Variants in DNAH14 observed in about 807,000 individuals in gnomAD.
DNAH14 encodes the protein axonemal beta dynein heavy chain 14.
DNAH14 carries 478 observed loss-of-function variants against 520.9 expected under a neutral mutation model. That is an observed-to-expected ratio of 0.92 (90% confidence interval 0.85 to 0.99). The LOEUF is 0.99. Among genes scored for constraint, DNAH14 ranks in the 50% least tolerant of loss-of-function variants. The pLI, the probability that DNAH14 is intolerant of heterozygous loss-of-function variation, is 0.00. For synonymous variants in DNAH14, 1,581 were observed against 1,757.2 expected, an observed-to-expected ratio of 0.90 and a Z score of 2.51; for missense variants, 4,831 against 5,234.5, an observed-to-expected ratio of 0.92 and a Z score of 2.38.
chr1:225,263,221 T>C (rs187379514), intron 46 of DNAH14, among the ~76,000 whole-genome samples: 12 of 146,756 alleles, frequency 8.2e-5, no homozygotes, highest in African/African-American at 3.2e-4. Context: ...TATATATACA[T>C]GTATATATAC....
At chr1:225,123,914 G>C (rs974730521) in intron 27 of DNAH14, among the ~76,000 whole-genome samples, 4 of 151,922 alleles carry the variant, frequency 2.6e-5, no homozygotes, top group African/African-American at 9.7e-5. Context: ...CACCATGCCT[G>C]GCTAATTTTT....
chr1:225,370,106 G>A (rs576202406), intron 77 of DNAH14, among the ~76,000 whole-genome samples: 235 of 152,126 alleles, frequency 1.5e-3, no homozygotes, highest in Middle Eastern at 3.4e-3. Flanking sequence ...CCTGACCAAC[G>A]AGGAGTAACC....
chr1:225,104,649 C>G (rs916856569), intron 23 of DNAH14, among the ~76,000 whole-genome samples: 1 of 152,124 alleles, frequency 6.6e-6, no homozygotes, highest in Non-Finnish European at 1.5e-5. Context: ...TCCATTTCTT[C>G]TAGATTTTCT....
chr1:225,142,786 C>T (rs547108352), intron 28 of DNAH14, among the ~76,000 whole-genome samples: 2 of 152,040 alleles, frequency 1.3e-5, no homozygotes, highest in South Asian at 2.1e-4. Flanking sequence ...ATTAGCTGGC[C>T]GTGATGGTGC....
At chr1:225,384,257 T>A (rs1000762873) in intron 81 of DNAH14, among the ~76,000 whole-genome samples, 2 of 152,188 alleles carry the variant, frequency 1.3e-5, no homozygotes, top group Admixed American at 6.5e-5. Flanking sequence ...TTAGGTCCGC[T>A]TGGTGCAGAG....
At chr1:225,250,586 A>G in intron 43 of DNAH14, 1 of 441,074 alleles carries the variant, frequency 2.3e-6, no homozygotes, top group Non-Finnish European at 4.2e-6. Flanking sequence ...GGGAACTGGA[A>G]ACGGTTTTAC....
chr1:225,278,217 C>G (rs1168427161), intron 54 of DNAH14, among the ~76,000 whole-genome samples: 1 of 151,030 alleles, frequency 6.6e-6, no homozygotes, highest in East Asian at 1.9e-4. Flanking sequence ...AAATATGAAG[C>G]AAATCTTTCT....
intron 41 of DNAH14, among the ~76,000 whole-genome samples, chr1:225,209,220 A>T (rs2088003786): frequency 6.6e-6 from 1 of 152,210 alleles, no homozygotes; most frequent in African/African-American, 2.4e-5. Flanking sequence ...TACAGTAGTT[A>T]TACCTGGAAA....
chr1:225,335,517 G>GTACATA (rs2094955620), intron 66 of DNAH14, among the ~76,000 whole-genome samples: 1 of 101,870 alleles, frequency 9.8e-6, no homozygotes, highest in Admixed American at 9.4e-5. Context: ...ATATACATAT[G>GTACATA]TACATATATA....
At chr1:225,290,641 GTGTGTGTATATATATATATATA>G (rs1553301110) in intron 55 of DNAH14, among the ~76,000 whole-genome samples, 1,416 of 91,252 alleles carry the variant, frequency 0.016, 93 homozygotes, top group South Asian at 0.036. Context: ...ATGTGTGTGT[GTGTGTGTATATATATATATATA>G]TATATATATA....
At chr1:225,168,600 A>G (rs6663852) in intron 36 of DNAH14, among the ~76,000 whole-genome samples, 47,898 of 152,110 alleles carry the variant, frequency 0.31, 8,735 homozygotes, top group East Asian at 0.61. Context: ...GCGAGGCTGG[A>G]GGAGGGGCGC....
intron 1 of DNAH14, among the ~76,000 whole-genome samples, chr1:224,935,715 A>T (rs1156618162): frequency 2.0e-5 from 3 of 152,054 alleles, no homozygotes; most frequent in Non-Finnish European, 4.4e-5. Flanking sequence ...GACCAAATGA[A>T]CTTAACAAAC....
At chr1:225,319,612 G>A (rs2094525160) in intron 61 of DNAH14, among the ~76,000 whole-genome samples, 1 of 152,066 alleles carries the variant, frequency 6.6e-6, no homozygotes, top group African/African-American at 2.4e-5. Context: ...AGAGAAACAA[G>A]CAAGAGAAGG....
intron 41 of DNAH14, among the ~76,000 whole-genome samples, chr1:225,212,358 A>G (rs902314010): frequency 4.6e-5 from 7 of 152,268 alleles, no homozygotes; most frequent in Admixed American, 6.5e-5. Flanking sequence ...TAGTGCCGCA[A>G]TAAACATACG....
intron 41 of DNAH14, among the ~76,000 whole-genome samples, chr1:225,207,845 C>G (rs1471790753): frequency 6.6e-6 from 1 of 152,096 alleles, no homozygotes; most frequent in African/African-American, 2.4e-5. Context: ...GAGGAAGCAG[C>G]AACACTGAAC....
chr1:224,967,437 T>G lies in DNAH14; in HGVS notation c.505T>G (p.Leu169Val). 1.3e-6 allele frequency: 2 copies of G among 1,547,096 alleles called. No homozygotes were observed. The highest frequency in any genetic ancestry group is 1.7e-6 in the Non-Finnish European group (2 of 1,155,564). ...AIQKITLKKP[L>V]EDDGEFVYCL... is the part of the protein sequence containing the mutation. ...ATTTTTTTTTTAATCTCAGAAACCT[T>G]TGGAAGATGATGGAGAATTTGTTTA... Residue 169 changes from leucine to valine, a missense_variant, in exon 6 of 86, where the codon TTG (leucine) becomes GTG (valine). By Grantham distance (32) the Leu-to-Val change is conservative. Coordinates refer to ENST00000682510, the MANE Select transcript of DNAH14 (RefSeq NM_001367479.1).
chr1:225,321,258 A>T (rs2094551106), intron 61 of DNAH14, among the ~76,000 whole-genome samples: 1 of 152,210 alleles, frequency 6.6e-6, no homozygotes, highest in Non-Finnish European at 1.5e-5. Flanking sequence ...TTGTACAGAC[A>T]CTGGGGCCTA....
intron 66 of DNAH14, among the ~76,000 whole-genome samples, chr1:225,335,856 CAT>C (rs1432563929): frequency 1.3e-5 from 1 of 77,102 alleles, no homozygotes; most frequent in Non-Finnish European, 2.7e-5. Flanking sequence ...CACATATGTA[CAT>C]ATATGTACAT....
intron 55 of DNAH14, among the ~76,000 whole-genome samples, chr1:225,292,053 C>T (rs2093904819): frequency 6.6e-6 from 1 of 151,976 alleles, no homozygotes; most frequent in African/African-American, 2.4e-5. Context: ...TCTTTTCATT[C>T]TATTGTTTCC....
Sources: gnomAD v4.1 joint callset for allele counts (sites outside exome capture counted in the v4.1 genomes callset) on GRCh38, gnomAD v4.1.1 for gene constraint, MANE v1.5 for transcripts, NCBI Gene and HGNC (gene_info 2026-07-23, HGNC 2026-07-21) for gene names.